Variants in UBE2V2 observed in about 807,000 individuals in gnomAD.
UBE2V2 encodes the protein ubiquitin-conjugating enzyme E2 variant 2.
Under a neutral mutation model 17.2 loss-of-function variants are expected in UBE2V2, and 9 were observed. That is an observed-to-expected ratio of 0.52 (90% CI 0.32 to 0.91). The LOEUF is 0.91. UBE2V2 is among the 40% of genes least tolerant of loss of function. The pLI, the probability that UBE2V2 is intolerant of heterozygous loss-of-function variation, is 0.04. For missense variants in UBE2V2, 133 were observed against 182.6 expected (o/e 0.73, Z 1.56); for synonymous variants, 61 against 57.5 (o/e 1.06, Z -0.28).
At chr8:48,059,511 T>A (rs754353967) in intron 3 of UBE2V2, among the ~76,000 whole-genome samples, 4 of 151,704 alleles carry the variant, frequency 2.6e-5, no homozygotes, top group Admixed American at 6.6e-5. Context: ...CAGGTTCAAG[T>A]GATTCTCCTG....
the UBE2V2 span, among the ~76,000 whole-genome samples, chr8:48,002,919 AAGAG>A: frequency 6.6e-6 from 1 of 151,380 alleles, no homozygotes; most frequent in African/African-American, 2.4e-5. Flanking sequence ...TTAAAAAAGA[AAGAG>A]AGAATTGGCC....
intron 2 of UBE2V2, among the ~76,000 whole-genome samples, chr8:48,047,246 C>A (rs909510758): frequency 6.6e-6 from 1 of 151,966 alleles, no homozygotes; most frequent in African/African-American, 2.4e-5. Context: ...CAGCCAGATC[C>A]CTCATTTTTT....
intron 2 of UBE2V2, among the ~76,000 whole-genome samples, chr8:48,043,992 T>C (rs1333852142): frequency 2.0e-5 from 3 of 151,926 alleles, no homozygotes; most frequent in Admixed American, 1.3e-4. Flanking sequence ...CTGCAGTGAA[T>C]CTTTGAAATT....
At chr8:48,047,271 T>G (rs2091506280) in intron 2 of UBE2V2, among the ~76,000 whole-genome samples, 1 of 152,138 alleles carries the variant, frequency 6.6e-6, no homozygotes, top group Non-Finnish European at 1.5e-5. Context: ...TGTTCTAGTA[T>G]TTATTTGGAT....
At chr8:48,014,786 C>A (rs1381048434) in intron 1 of UBE2V2, among the ~76,000 whole-genome samples, 1 of 151,378 alleles carries the variant, frequency 6.6e-6, no homozygotes, top group African/African-American at 2.4e-5. Context: ...CGTGGTGGCT[C>A]ACGCCCGTAA....
intron 1 of UBE2V2, among the ~76,000 whole-genome samples, chr8:48,012,720 G>GA (rs138582107): frequency 1.3e-4 from 20 of 149,040 alleles, no homozygotes; most frequent in Middle Eastern, 3.4e-3. Flanking sequence ...CTCCATCTCA[G>GA]AAAAAAAAAG....
At chr8:48,044,012 A>C (rs898803505) in intron 2 of UBE2V2, among the ~76,000 whole-genome samples, 1 of 150,404 alleles carries the variant, frequency 6.6e-6, no homozygotes, top group Non-Finnish European at 1.5e-5. Context: ...TTGTCTCTCT[A>C]ATGTTTTTGG....
chr8:47,998,730 C>A, the UBE2V2 span, among the ~76,000 whole-genome samples: 2 of 151,524 alleles, frequency 1.3e-5, no homozygotes, highest in Non-Finnish European at 1.5e-5. Context: ...GAGCGAGAGC[C>A]GGCCAGAGTC....
intron 1 of UBE2V2, among the ~76,000 whole-genome samples, chr8:48,036,039 C>T (rs995291677): frequency 3.4e-5 from 5 of 148,546 alleles, no homozygotes; most frequent in Middle Eastern, 3.2e-3. Flanking sequence ...ACTGCAGCCT[C>T]TACCTCCCAG....
the UBE2V2 span, among the ~76,000 whole-genome samples, chr8:48,002,004 G>T: frequency 2.0e-5 from 3 of 151,914 alleles, no homozygotes; most frequent in Non-Finnish European, 2.9e-5. Flanking sequence ...CAGGAGAATC[G>T]CTTGAACCCA....
chr8:48,031,040 C>A (rs1196954469), intron 1 of UBE2V2, among the ~76,000 whole-genome samples: 1 of 151,688 alleles, frequency 6.6e-6, no homozygotes, highest in Non-Finnish European at 1.5e-5. Context: ...AAATAAAAAA[C>A]CAAAACACAA....
At chr8:48,003,039 G>A in the UBE2V2 span, among the ~76,000 whole-genome samples, 2 of 151,998 alleles carry the variant, frequency 1.3e-5, no homozygotes, top group South Asian at 4.2e-4. Context: ...GTGAAACCCC[G>A]TCTCTGCTAA....
rs1802627911 is a variant in UBE2V2, at chr8:48,063,852, TAAG to T, written c.*3027_*3029del. 6.6e-6 allele frequency: 1 copy of T among 152,230 alleles called. No individual in the cohort carries two copies. The highest frequency in any genetic ancestry group is 2.1e-4 in the South Asian group (1 of 4,836). 9.4% of individuals were successfully genotyped at this position (152,230 alleles called of 1,614,324 possible). A position where few individuals can be genotyped will look rare whatever the true frequency, so the allele number is the denominator to read the frequency against. ...TCATGGTTTATTAGTCTGGATTACTTAAGAACAATATGTTGATTTTAATGTTAA... is the reference window on the plus strand; with the variant it reads ...TCATGGTTTATTAGTCTGGATTACTTAACAATATGTTGATTTTAATGTTAA... On this transcript the variant is annotated 3_prime_UTR_variant, in exon 4 of 4. Transcript: ENST00000523111.
chr8:48,018,837 G>A lies in UBE2V2; in HGVS notation c.16+10367G>A, dbSNP rs1212909647. On this transcript the variant is annotated intron_variant, in intron 1 of 3. Coordinates refer to ENST00000523111, the MANE Select transcript of UBE2V2 (RefSeq NM_003350.3). ...ATATATTTAGGTGCTTTGATGTTGGGTGCATATATATTTACAATTATTCTC... is the reference window on the plus strand; with the variant it reads ...ATATATTTAGGTGCTTTGATGTTGGATGCATATATATTTACAATTATTCTC... 2.6e-5 allele frequency among the ~76,000 whole-genome samples: 4 copies of A among 152,052 alleles called. No individual in the cohort carries two copies. In the East Asian group the frequency reaches 5.8e-4, roughly 22 times the overall value.
At chr8:48,018,700 T>C (rs897326262) in intron 1 of UBE2V2, among the ~76,000 whole-genome samples, 2 of 152,238 alleles carry the variant, frequency 1.3e-5, no homozygotes, top group Admixed American at 6.5e-5. Context: ...GTCTCATGTT[T>C]CCTTGTTGGC....
At chr8:48,009,044 A>G (rs991128151) in intron 1 of UBE2V2, among the ~76,000 whole-genome samples, 8 of 152,148 alleles carry the variant, frequency 5.3e-5, no homozygotes, top group Non-Finnish European at 7.4e-5. Context: ...AAACAAAATA[A>G]AAGACCAGAG....
intron 1 of UBE2V2, chr8:48,034,991 G>T: frequency 1.0e-6 from 1 of 981,690 alleles, no homozygotes; most frequent in Non-Finnish European, 1.2e-6. Flanking sequence ...TGGTGTCAGG[G>T]TGTTCAGAAT....
intron 1 of UBE2V2, among the ~76,000 whole-genome samples, chr8:48,033,413 TGG>T (rs2091397902): frequency 1.3e-5 from 2 of 151,870 alleles, no homozygotes; most frequent in Admixed American, 1.3e-4. Flanking sequence ...CTCGAACTCC[TGG>T]ACTCAAGTAA....
At chr8:48,053,469 G>T (rs1294191889) in intron 3 of UBE2V2, among the ~76,000 whole-genome samples, 13 of 148,712 alleles carry the variant, frequency 8.7e-5, no homozygotes, top group Admixed American at 4.0e-4. Flanking sequence ...TGTCTCCCAG[G>T]CTGGAGTGCA....
Sources: gnomAD v4.1 joint callset for allele counts (sites outside exome capture counted in the v4.1 genomes callset) on GRCh38, gnomAD v4.1.1 for gene constraint, MANE v1.5 for transcripts, NCBI Gene and HGNC (gene_info 2026-07-23, HGNC 2026-07-21) for gene names.